GMDS: variants seen among roughly 807,000 people sequenced by gnomAD.
The protein encoded by GMDS is GDP-mannose 4,6 dehydratase.
Under a neutral mutation model 49.9 loss-of-function variants are expected in GMDS, and 20 were observed. The observed-to-expected ratio is 0.40, with a 90% confidence interval of 0.28 to 0.58. GMDS has a LOEUF of 0.58. Ranked by LOEUF, GMDS falls within the 20% of genes least tolerant of loss-of-function variation. The pLI is 0.42. For missense variants in GMDS, 362 were observed against 481.4 expected (o/e 0.75, Z 2.32); for synonymous variants, 177 against 178.6 (o/e 0.99, Z 0.07).
intron 4 of GMDS, among the ~76,000 whole-genome samples, chr6:2,010,960 C>A (rs745538184): frequency 1.3e-5 from 2 of 151,880 alleles, no homozygotes; most frequent in Non-Finnish European, 2.9e-5. Flanking sequence ...ATTACAAAAT[C>A]TAGAGAAATT....
In GMDS at chr6:1,855,167, G is replaced by A. The variant is rs1006807379; in HGVS notation, c.771+74936C>T. Among the ~76,000 whole-genome samples, 6 of 152,262 alleles carry A rather than the reference G, an allele frequency of 3.9e-5. No individual in the cohort carries two copies. The East Asian group carries it at 1.2e-3, about 29-fold the overall frequency. ...AAACAATCTCTGCATATGGTGTCAGGAAAGACATCAGGTGGCTCCAAGTGC... is the reference window on the plus strand; with the variant it reads ...AAACAATCTCTGCATATGGTGTCAGAAAAGACATCAGGTGGCTCCAAGTGC... On this transcript the variant is annotated intron_variant, in intron 7 of 10. Coordinates refer to ENST00000380815, the MANE Select transcript of GMDS (RefSeq NM_001500.4).
At chr6:2,236,319 G>A (rs575471667) in intron 1 of GMDS, among the ~76,000 whole-genome samples, 5 of 152,336 alleles carry the variant, frequency 3.3e-5, no homozygotes, top group Non-Finnish European at 1.5e-5. Flanking sequence ...TGACCCAGGA[G>A]TGCTGTGTCT....
At chr6:2,163,437 G>A (rs924549900) in intron 1 of GMDS, among the ~76,000 whole-genome samples, 101 of 126,080 alleles carry the variant, frequency 8.0e-4, no homozygotes, top group African/African-American at 5.3e-3. Context: ...GTGTGTGTGT[G>A]AGAGAGAGAG....
At chr6:1,765,968 C>T (rs1768335044) in intron 7 of GMDS, among the ~76,000 whole-genome samples, 1 of 152,162 alleles carries the variant, frequency 6.6e-6, no homozygotes, top group South Asian at 2.1e-4. Flanking sequence ...TGTAAGAAGG[C>T]TTTCACCTGG....
intron 2 of GMDS, among the ~76,000 whole-genome samples, chr6:2,120,664 G>A (rs1413054944): frequency 6.6e-6 from 1 of 152,042 alleles, no homozygotes; most frequent in African/African-American, 2.4e-5. Context: ...TCTGTACTTA[G>A]TGCAAAATGG....
intron 1 of GMDS, among the ~76,000 whole-genome samples, chr6:2,144,229 G>A (rs906323754): frequency 3.3e-5 from 5 of 152,130 alleles, no homozygotes; most frequent in Admixed American, 6.5e-5. Context: ...CAAACCATAC[G>A]TTCTATGCTA....
chr6:2,028,478 C>T (rs1049996153), intron 4 of GMDS, among the ~76,000 whole-genome samples: 1 of 152,186 alleles, frequency 6.6e-6, no homozygotes, highest in Non-Finnish European at 1.5e-5. Context: ...ATTCTTAGGA[C>T]ACCCCATGTA....
At chr6:1,683,748 G>A (rs62388267) in intron 9 of GMDS, among the ~76,000 whole-genome samples, 19,447 of 152,112 alleles carry the variant, frequency 0.13, 1,661 homozygotes, top group Non-Finnish European at 0.18. Context: ...CCTTGGACAC[G>A]TTCAACTTTT....
At chr6:2,142,603 T>C (rs935032264) in intron 1 of GMDS, among the ~76,000 whole-genome samples, 10 of 152,078 alleles carry the variant, frequency 6.6e-5, no homozygotes, top group African/African-American at 2.4e-4. Context: ...GAACCAACCC[T>C]GACAACACCT....
intron 9 of GMDS, among the ~76,000 whole-genome samples, chr6:1,704,585 G>A (rs10900913): frequency 0.85 from 129,402 of 152,244 alleles, 56,002 homozygotes; most frequent in East Asian, 0.99. Context: ...GATGCGGAGC[G>A]TGAAAATATC....
At chr6:2,186,648 A>AT (rs1277275407) in intron 1 of GMDS, among the ~76,000 whole-genome samples, 1 of 152,194 alleles carries the variant, frequency 6.6e-6, no homozygotes, top group Non-Finnish European at 1.5e-5. Context: ...TTGTTTAGGT[A>AT]TATTTATTAA....
intron 1 of GMDS, among the ~76,000 whole-genome samples, chr6:2,231,879 T>C (rs1203305013): frequency 6.6e-6 from 1 of 152,208 alleles, no homozygotes. Flanking sequence ...ATTTCGGTTC[T>C]GAGCAAATGA....
chr6:1,804,141 A>C (rs1307648510), intron 7 of GMDS, among the ~76,000 whole-genome samples: 1 of 152,356 alleles, frequency 6.6e-6, no homozygotes, highest in South Asian at 2.1e-4. Flanking sequence ...TTTTGTTTTT[A>C]ATAAGATGCG....
Position 1,703,411 on chromosome 6 carries a change from A to G in GMDS, c.987+23005T>C, listed in dbSNP as rs1292911146. ...AAGTGGTAACACAGCATATCCAAACATGCCTTGTCATACCAAAGAGAAGTC... is the reference window on the plus strand; with the variant it reads ...AAGTGGTAACACAGCATATCCAAACGTGCCTTGTCATACCAAAGAGAAGTC... On this transcript the variant is annotated intron_variant, in intron 9 of 10. Transcript: ENST00000380815. 3.9e-5 allele frequency among the ~76,000 whole-genome samples: 6 copies of G among 152,256 alleles called. No homozygotes were observed. The South Asian group carries it at 8.3e-4, about 21-fold the overall frequency.
chr6:1,924,397 C>T (rs555197928), intron 7 of GMDS, among the ~76,000 whole-genome samples: 1 of 152,270 alleles, frequency 6.6e-6, no homozygotes, highest in African/African-American at 2.4e-5. Context: ...GCAGGAAAAC[C>T]TCTTGCCACT....
intron 9 of GMDS, among the ~76,000 whole-genome samples, chr6:1,636,916 C>T (rs2745614): frequency 6.6e-6 from 1 of 152,194 alleles, no homozygotes; most frequent in Admixed American, 6.5e-5. Flanking sequence ...CTCACCTGCA[C>T]ACGGGGGATC....
chr6:2,202,372 A>G (rs962676193), intron 1 of GMDS, among the ~76,000 whole-genome samples: 2 of 151,580 alleles, frequency 1.3e-5, no homozygotes, highest in Admixed American at 6.6e-5. Flanking sequence ...CAGTGAGGGC[A>G]GCATGTCCTC....
Position 1,693,361 on chromosome 6 carries a change from G to A in GMDS, c.987+33055C>T, listed in dbSNP as rs1003076014. Among the ~76,000 whole-genome samples the A allele has an allele frequency of 5.3e-5, 8 of 152,166 alleles. 1 individual carries two copies. The highest frequency in any genetic ancestry group is 3.9e-4 in the East Asian group (2 of 5,184). The stretch of plus-strand genomic sequence containing the variant: ...GCAATTCTCCTCACCTCTGCCCTGC[G>A]TTCTCTTACCAGTCCGGCTGCCCTG... On this transcript the variant is annotated intron_variant, in intron 9 of 10. Coordinates refer to ENST00000380815, the MANE Select transcript of GMDS (RefSeq NM_001500.4).
intron 7 of GMDS, among the ~76,000 whole-genome samples, chr6:1,926,839 A>G (rs577265488): frequency 7.2e-4 from 109 of 152,350 alleles, no homozygotes; most frequent in Non-Finnish European, 1.4e-3. Context: ...CATCATCAAC[A>G]TATTAGAAAC....
Sources: gnomAD v4.1 joint callset for allele counts (sites outside exome capture counted in the v4.1 genomes callset) on GRCh38, gnomAD v4.1.1 for gene constraint, MANE v1.5 for transcripts, NCBI Gene and HGNC (gene_info 2026-07-23, HGNC 2026-07-21) for gene names.